EIF3L: variants seen among roughly 807,000 people sequenced by gnomAD.
The protein encoded by EIF3L is eIEF associated protein HSPC021.
A neutral mutation model predicts 74.6 loss-of-function variants in EIF3L; 32 were observed. That is an observed-to-expected ratio of 0.43 (90% CI 0.32 to 0.58). The LOEUF is 0.58. Ranked by LOEUF, EIF3L falls within the 20% of genes least tolerant of loss-of-function variation. The pLI, the probability that EIF3L is intolerant of heterozygous loss-of-function variation, is 0.06. For synonymous variants in EIF3L, 256 were observed against 254.4 expected (o/e 1.01, Z -0.06); for missense variants, 474 against 707.8 (o/e 0.67, Z 3.75).
At chr22:37,885,907 G>T (rs995526368) in intron 11 of EIF3L, 2 of 151,314 alleles carry the variant, frequency 1.3e-5, no homozygotes, top group Admixed American at 6.6e-5. Flanking sequence ...TAAAAAAGAC[G>T]AGGCTGGGCA....
intron 7 of EIF3L, among the ~76,000 whole-genome samples, chr22:37,868,659 T>TTTTTTTG (rs1926307359): frequency 1.0e-4 from 12 of 114,396 alleles, no homozygotes; most frequent in Admixed American, 1.8e-4. Flanking sequence ...TTTTTTTTTT[T>TTTTTTTG]GAGACGGAGT....
intron 3 of EIF3L, among the ~76,000 whole-genome samples, chr22:37,853,912 T>C (rs1277810385): frequency 3.3e-5 from 5 of 152,250 alleles, no homozygotes; most frequent in Non-Finnish European, 7.3e-5. Context: ...AGTTTTCCAA[T>C]ACTGAGTTAA....
chr22:37,861,226 C>A (rs1925837787), intron 5 of EIF3L, among the ~76,000 whole-genome samples: 1 of 152,034 alleles, frequency 6.6e-6, no homozygotes, highest in Non-Finnish European at 1.5e-5. Context: ...CTCACAGTTA[C>A]TCACCCCTCT....
chr22:37,874,403 G>T lies in EIF3L; in HGVS notation c.785G>T (p.Arg262Leu), dbSNP rs150200232. 1 of 1,613,910 alleles carries T rather than the reference G, an allele frequency of 6.2e-7. No homozygotes were observed. Among genetic ancestry groups the T allele is most frequent in the African/African-American group, 1.3e-5 (1 of 74,862 alleles). The change falls in exon 9 of 13, where the codon CGG (arginine) becomes CTG (leucine). Residue 262 changes from arginine (R) to leucine (L), a missense_variant. Physicochemically the swap from Arg to Leu is moderately radical, Grantham distance 102 (BLOSUM62 -2). Transcript: ENST00000652021. ...GAGAGTGTGGCTGGGGAGTATGGGC[G>T]GCACTCCCTCTACAAAATGCTTGGT... is the stretch of plus-strand genomic sequence containing the variant. ...DPESVAGEYG[R>L]HSLYKMLGYF...
rs1926727631 is a variant in EIF3L, at chr22:37,876,004, A to T, written c.1070A>T (p.Tyr357Phe). The change falls in exon 10 of 13, where the codon TAT (tyrosine) becomes TTT (phenylalanine). Residue 357 changes from tyrosine (Y) to phenylalanine (F), a missense_variant. Coordinates refer to ENST00000652021, the MANE Select transcript of EIF3L (RefSeq NM_016091.4). Reference protein sequence around the residue: ...KSMFQRTTYKYEMINKQNEQM... With the variant: ...KSMFQRTTYKFEMINKQNEQM... ...ATGTTCCAGAGGACCACGTACAAGT[A>T]TGAGATGGTAAGGGGGACTCTGCCT... 1 of 1,613,082 alleles carries T rather than the reference A, an allele frequency of 6.2e-7. No homozygotes were observed. The highest frequency in any genetic ancestry group is 1.7e-4 in the Middle Eastern group (1 of 6,054).
intron 9 of EIF3L, among the ~76,000 whole-genome samples, chr22:37,874,877 C>T (rs374221080): frequency 4.0e-5 from 6 of 149,700 alleles, no homozygotes; most frequent in Non-Finnish European, 8.9e-5. Flanking sequence ...TACAGGCATG[C>T]GCCACCATGC....
intron 11 of EIF3L, chr22:37,883,580 C>CAA (rs139848): frequency 0.018 from 2,665 of 148,212 alleles, 70 homozygotes; most frequent in African/African-American, 0.058. Context: ...GACTCCATCT[C>CAA]AAAAAAAAAA....
At chr22:37,863,174 A>G (rs1279630260) in intron 6 of EIF3L, 98 bp from the exon 7 acceptor site, 5 of 1,203,744 alleles carry the variant, frequency 4.2e-6, no homozygotes, top group Non-Finnish European at 5.9e-6. Flanking sequence ...CTTGTGATTC[A>G]TGGTCCTTTT....
At chr22:37,857,813 C>T (rs1925615650) in intron 4 of EIF3L, among the ~76,000 whole-genome samples, 1 of 152,092 alleles carries the variant, frequency 6.6e-6, no homozygotes, top group Non-Finnish European at 1.5e-5. Context: ...GGATTACAGG[C>T]ATGAGCCACT....
At chr22:37,849,644 C>T in intron 1 of EIF3L, 162 bp downstream of exon 1, 1 of 763,894 alleles carries the variant, frequency 1.3e-6, no homozygotes, top group East Asian at 2.6e-5. Context: ...CCTAGACAAC[C>T]CTGGCTCTGC....
intron 8 of EIF3L, among the ~76,000 whole-genome samples, chr22:37,870,753 T>G (rs1209277604): frequency 6.6e-6 from 1 of 152,142 alleles, no homozygotes; most frequent in Non-Finnish European, 1.5e-5. Context: ...GATCTCTCTG[T>G]CTGGCTGAGA....
At chr22:37,870,833 A>C (rs1455771829) in intron 8 of EIF3L, among the ~76,000 whole-genome samples, 2 of 152,146 alleles carry the variant, frequency 1.3e-5, no homozygotes, top group Non-Finnish European at 2.9e-5. Context: ...AAGCACATAA[A>C]GAAAATCTGG....
At chr22:37,872,376 G>A (rs1015598531) in intron 8 of EIF3L, among the ~76,000 whole-genome samples, 10 of 152,002 alleles carry the variant, frequency 6.6e-5, no homozygotes, top group South Asian at 6.2e-4. Context: ...TGCCTGCCTC[G>A]GCCTCCCAAA....
chr22:37,852,151 T>C (rs2146009824), intron 3 of EIF3L, among the ~76,000 whole-genome samples: 1 of 152,244 alleles, frequency 6.6e-6, no homozygotes, highest in Non-Finnish European at 1.5e-5. Context: ...TAAAATAATA[T>C]CACTATTAAC....
Position 37,877,785 on chromosome 22 carries a change from A to G in EIF3L, c.1189A>G (p.Lys397Glu). Residue 397 changes from lysine to glutamate, a missense_variant, in exon 11 of 13, where the codon AAG becomes GAG. Lys to Glu is a moderately conservative substitution (Grantham distance 56). Coordinates refer to ENST00000652021, the MANE Select transcript of EIF3L (RefSeq NM_016091.4). ...HLQLREKYGD[K>E]MLRMQKGDPQ... is the part of the protein sequence containing the mutation. ...CCAGCTGCGGGAGAAATATGGGGAC[A>G]AGATGTTGCGCATGCAGAAAGGTGA... 6.2e-7 allele frequency: 1 copy of G among 1,613,890 alleles called. No homozygotes were observed. Among genetic ancestry groups the G allele is most frequent in the Non-Finnish European group, 8.5e-7 (1 of 1,179,856 alleles).
chr22:37,863,226 C>T, intron 6 of EIF3L, 46 bp from the exon 7 acceptor site: 1 of 1,520,002 alleles, frequency 6.6e-7, no homozygotes, highest in South Asian at 1.2e-5. Flanking sequence ...ACAGAATGGG[C>T]AGAGTCATTG....
At chr22:37,875,764 A>G in intron 9 of EIF3L, 77 bp from the exon 10 acceptor site, 2 of 1,429,414 alleles carry the variant, frequency 1.4e-6, no homozygotes, top group Non-Finnish European at 9.6e-7. Context: ...TGCAGGGAAA[A>G]CTCTTGGTGT....
At chr22:37,875,088 G>A (rs937318324) in intron 9 of EIF3L, among the ~76,000 whole-genome samples, 1 of 151,168 alleles carries the variant, frequency 6.6e-6, no homozygotes, top group African/African-American at 2.4e-5. Context: ...GATTGAGAAG[G>A]CCAGACGCAG....
chr22:37,873,038 G>A (rs1926556930), intron 8 of EIF3L, among the ~76,000 whole-genome samples: 1 of 151,428 alleles, frequency 6.6e-6, no homozygotes, highest in South Asian at 2.1e-4. Flanking sequence ...GCCCAGGCTT[G>A]AGTGCAGTGG....
Sources: allele counts gnomAD v4.1 joint callset (sites outside exome capture counted in the v4.1 genomes callset), GRCh38; gene constraint gnomAD v4.1.1; transcripts MANE v1.5; gene names NCBI Gene and HGNC (gene_info 2026-07-23, HGNC 2026-07-21).